The following PPP1CB variants were observed in gnomAD, a reference collection of about 807,000 sequenced individuals.
PPP1CB encodes the protein protein phosphatase 1 catalytic subunit beta, also known as serine/threonine-protein phosphatase PP1-beta catalytic subunit.
A neutral mutation model predicts 43.7 loss-of-function variants in PPP1CB; 2 were observed. The observed-to-expected ratio is 0.05, with a 90% CI of 0.02 to 0.14. The LOEUF (loss-of-function observed/expected upper bound fraction) is 0.14. Ranked by LOEUF, PPP1CB falls within the 10% of genes least tolerant of loss-of-function variation. The pLI is 1.00. For synonymous variants in PPP1CB, 136 were observed against 135.6 expected, an observed-to-expected ratio of 1.00 and a Z score of -0.02; for missense variants, 84 against 398.0, an observed-to-expected ratio of 0.21 and a Z score of 6.71.
intron 5 of PPP1CB, among the ~76,000 whole-genome samples, chr2:28,785,064 G>GTTTTTTTTTTTTTTTTTTT (rs1558307639): frequency 1.1e-5 from 1 of 93,798 alleles, no homozygotes; most frequent in African/African-American, 4.1e-5. Flanking sequence ...TGTGTTAGGA[G>GTTTTTTTTTTTTTTTTTTT]CTTTTTTTTT....
intron 5 of PPP1CB, 38 bp from the exon 6 acceptor site, chr2:28,788,620 A>C (rs1282716566): frequency 1.9e-6 from 3 of 1,593,284 alleles, no homozygotes; most frequent in African/African-American, 2.7e-5. Context: ...TAAATCTGTA[A>C]ATTTTGTTCT....
chr2:28,794,677 C>T (rs916232351), intron 7 of PPP1CB, among the ~76,000 whole-genome samples: 2 of 151,608 alleles, frequency 1.3e-5, no homozygotes, highest in East Asian at 1.9e-4. Context: ...GGCGACAGAG[C>T]GAGACTTGGC....
At chr2:28,784,981 A>G (rs1295575252) in intron 5 of PPP1CB, among the ~76,000 whole-genome samples, 7 of 148,472 alleles carry the variant, frequency 4.7e-5, no homozygotes, top group African/African-American at 1.5e-4. Flanking sequence ...TCAGAACTAC[A>G]CATCAACCAT....
intron 1 of PPP1CB, among the ~76,000 whole-genome samples, chr2:28,768,905 G>A (rs1666838844): frequency 6.6e-6 from 1 of 152,076 alleles, no homozygotes; most frequent in Non-Finnish European, 1.5e-5. Flanking sequence ...GGTCTATCAT[G>A]TATAATAGGA....
intron 1 of PPP1CB, among the ~76,000 whole-genome samples, chr2:28,753,455 C>G (rs1361844086): frequency 2.6e-5 from 4 of 152,320 alleles, no homozygotes; most frequent in South Asian, 2.1e-4. Context: ...AGCCATCCAG[C>G]AGTCTTAAGA....
At chr2:28,789,423 C>T (rs929706766) in intron 6 of PPP1CB, among the ~76,000 whole-genome samples, 5 of 151,346 alleles carry the variant, frequency 3.3e-5, no homozygotes, top group South Asian at 2.1e-4. Flanking sequence ...GTGGGAGGAT[C>T]GCTTGAGCCT....
At chr2:28,794,838 T>C (rs1667465375) in intron 7 of PPP1CB, among the ~76,000 whole-genome samples, 1 of 152,194 alleles carries the variant, frequency 6.6e-6, no homozygotes, top group South Asian at 2.1e-4. Flanking sequence ...CTCACTTTTA[T>C]TATAATATTT....
chr2:28,754,601 G>T (rs778997970), intron 1 of PPP1CB, among the ~76,000 whole-genome samples: 4 of 152,114 alleles, frequency 2.6e-5, no homozygotes, highest in Non-Finnish European at 5.9e-5. Flanking sequence ...GCCCCCAAGG[G>T]ATTCTTAAAT....
At chr2:28,759,857 G>A (rs184835180) in intron 1 of PPP1CB, among the ~76,000 whole-genome samples, 9 of 152,262 alleles carry the variant, frequency 5.9e-5, no homozygotes, top group African/African-American at 1.9e-4. Context: ...GACCTCAGGT[G>A]ATCCGCCTGC....
At chr2:28,785,483 TA>T (rs1667247668) in intron 5 of PPP1CB, among the ~76,000 whole-genome samples, 2 of 152,098 alleles carry the variant, frequency 1.3e-5, no homozygotes, top group South Asian at 4.1e-4. Context: ...TGACTAAACC[TA>T]ACAAACTGGT....
chr2:28,781,316 T>A (rs531375612), intron 3 of PPP1CB, among the ~76,000 whole-genome samples: 1 of 152,178 alleles, frequency 6.6e-6, no homozygotes, highest in Non-Finnish European at 1.5e-5. Flanking sequence ...ATTTAACATA[T>A]GCATTACCTC....
At chr2:28,771,055 C>T (rs201162594) in intron 1 of PPP1CB, among the ~76,000 whole-genome samples, 1,267 of 59,372 alleles carry the variant, frequency 0.021, 7 homozygotes, top group Middle Eastern at 0.028. Flanking sequence ...CCCCCCCACC[C>T]TTTTTTTTTT....
chr2:28,771,340 T>G (rs1666909428), intron 1 of PPP1CB, among the ~76,000 whole-genome samples: 1 of 152,076 alleles, frequency 6.6e-6, no homozygotes, highest in Non-Finnish European at 1.5e-5. Context: ...CATGAGCCAC[T>G]GTACTCGGCC....
chr2:28,778,290 T>C (rs1461230211), intron 2 of PPP1CB: 1 of 462,954 alleles, frequency 2.2e-6, no homozygotes, highest in Non-Finnish European at 4.5e-6. Flanking sequence ...TAATAAATCA[T>C]TCCAAAACTT....
chr2:28,773,489 G>T (rs1313732841), intron 1 of PPP1CB, among the ~76,000 whole-genome samples: 1 of 152,096 alleles, frequency 6.6e-6, no homozygotes, highest in African/African-American at 2.4e-5. Context: ...CAGTTCCTGG[G>T]GTGTGAAAAG....
rs1010316106 is a variant in PPP1CB, at chr2:28,787,319, C to T, written c.593-1339C>T. Among the ~76,000 whole-genome samples, 5 of 151,868 alleles carry T rather than the reference C, an allele frequency of 3.3e-5. No individual in the cohort carries two copies. The East Asian group carries it at 9.7e-4, about 29-fold the overall frequency. On this transcript the variant is annotated intron_variant, in intron 5 of 7. Transcript: ENST00000395366. ...CTAAAAATACAAAAAATTAGCCGGG[C>T]GTGGTAGCGGGCACCTGTAGTCCCA...
chr2:28,775,654 G>C lies in PPP1CB; in HGVS notation c.53-1197G>C, dbSNP rs1034599106. Among the ~76,000 whole-genome samples, 4 of 152,184 alleles carry C rather than the reference G, an allele frequency of 2.6e-5. No homozygotes were observed. In the South Asian group the frequency reaches 8.3e-4, roughly 31 times the overall value. On this transcript the variant is annotated intron_variant, in intron 1 of 7. Coordinates refer to ENST00000395366, the MANE Select transcript of PPP1CB (RefSeq NM_002709.3). ...GACCCCCTAAAGTGCTGGGATTACA[G>C]GGGCAAGCTACTGCTCCCAGCCTAT...
At chr2:28,782,926 A>G (rs1667185895) in intron 4 of PPP1CB, 1 of 152,236 alleles carries the variant, frequency 6.6e-6, no homozygotes, top group East Asian at 1.9e-4. Context: ...TATGTTTTCC[A>G]GTAGACATTA....
At chr2:28,776,719 A>G (rs1209052783) in intron 1 of PPP1CB, 132 bp from the exon 2 acceptor site, 1 of 681,162 alleles carries the variant, frequency 1.5e-6, no homozygotes, top group Non-Finnish European at 2.4e-6. Flanking sequence ...ATTATTTTAA[A>G]CCATGGGACC....
Sources: gnomAD v4.1 joint callset for allele counts (sites outside exome capture counted in the v4.1 genomes callset) on GRCh38, gnomAD v4.1.1 for gene constraint, MANE v1.5 for transcripts, NCBI Gene and HGNC (gene_info 2026-07-23, HGNC 2026-07-21) for gene names.